The following RCC2 variants were observed in gnomAD, a reference collection of about 807,000 sequenced individuals.
The protein encoded by RCC2 is protein RCC2.
RCC2 carries 19 observed loss-of-function variants against 64.1 expected under a neutral mutation model. The ratio of observed to expected loss-of-function variants is 0.30; its 90% CI spans 0.21 to 0.44. The LOEUF is 0.44. Ranked by LOEUF, RCC2 falls within the 20% of genes least tolerant of loss-of-function variation. The pLI, the probability that RCC2 is intolerant of heterozygous loss-of-function variation, is 1.00. For synonymous variants in RCC2, 325 were observed against 279.6 expected, an observed-to-expected ratio of 1.16 and a Z score of -1.62; for missense variants, 508 against 710.4, an observed-to-expected ratio of 0.72 and a Z score of 3.24.
At chr1:17,432,049 T>C (rs1426214184) in intron 2 of RCC2, among the ~76,000 whole-genome samples, 4 of 151,724 alleles carry the variant, frequency 2.6e-5, no homozygotes, top group African/African-American at 4.8e-5. Flanking sequence ...GATCACACCA[T>C]TGCACTCCAG....
intron 2 of RCC2, among the ~76,000 whole-genome samples, chr1:17,431,357 A>ATATATATAT (rs1217494718): frequency 4.9e-5 from 2 of 40,454 alleles, no homozygotes; most frequent in South Asian, 8.0e-4. Context: ...AAAAAAAAAA[A>ATATATATAT]AAATATATAT....
chr1:17,409,177 T>C lies in RCC2; in HGVS notation c.1482A>G (p.Ser494=), dbSNP rs2075398009. The change falls in exon 13 of 13, where the codon TCA becomes TCG. Residue 494 remains serine, a synonymous_variant. Transcript: ENST00000375436. ...IFSEQVAMGY[S]HSLVIARDES... Reference sequence around the variant, plus strand: ...CATCTCTTGCTATCACCAAGGAGTGTGAGTAGCCCATGGCGACCTGGGGGG... The same window carrying C: ...CATCTCTTGCTATCACCAAGGAGTGCGAGTAGCCCATGGCGACCTGGGGGG... 1 of 1,613,662 alleles carries C rather than the reference T, an allele frequency of 6.2e-7. No homozygotes were observed. The highest frequency in any genetic ancestry group is 1.3e-5 in the African/African-American group (1 of 75,032).
chr1:17,437,781 C>G (rs868057798), intron 2 of RCC2, among the ~76,000 whole-genome samples: 5 of 147,078 alleles, frequency 3.4e-5, no homozygotes, highest in Non-Finnish European at 7.6e-5. Flanking sequence ...GCGCCGGCCG[C>G]CCCCTCCCCG....
In RCC2 at chr1:17,417,403, C is replaced by A. The variant is rs994540120; in HGVS notation, c.860-757G>T. Among the ~76,000 whole-genome samples, 4 of 152,240 alleles carry A rather than the reference C, an allele frequency of 2.6e-5. No individual in the cohort carries two copies. In the East Asian group the frequency reaches 7.7e-4, roughly 29 times the overall value. On this transcript the variant is annotated intron_variant, in intron 7 of 12. Coordinates refer to ENST00000375436, the MANE Select transcript of RCC2 (RefSeq NM_018715.4). ...ATCAGTTTGGTTGGGCACGGTGGGC[C>A]ACGCCTGGAATCCCAGCACGTTGGG... is the stretch of plus-strand genomic sequence containing the variant.
intron 1 of RCC2, 27 bp from the exon 2 acceptor site, chr1:17,438,549 C>A (rs2075770128): frequency 7.7e-7 from 1 of 1,304,484 alleles, no homozygotes; most frequent in East Asian, 2.8e-5. Context: ...GGCAGCGGCG[C>A]ACAATGGACG....
chr1:17,408,216 G>A lies in RCC2; in HGVS notation c.*874C>T, dbSNP rs1213712381. ...GGCACAGAAAGGGCTGATCCTTCTT[G>A]CAAGGACTGGAGAATGCACTTGACT... On this transcript the variant is annotated 3_prime_UTR_variant, in exon 13 of 13. Coordinates refer to ENST00000375436, the MANE Select transcript of RCC2 (RefSeq NM_018715.4). The A allele has an allele frequency of 6.6e-6, 1 of 152,310 alleles. No individual in the cohort carries two copies. Among genetic ancestry groups the A allele is most frequent in the African/African-American group, 2.4e-5 (1 of 41,460 alleles). 9.4% of individuals were successfully genotyped at this position (152,310 alleles called of 1,614,324 possible).
At position 17,417,259 on chromosome 1, in the gene RCC2, A is replaced by C. The variant is rs547897259; in HGVS notation, c.860-613T>G. 3.9e-4 allele frequency among the ~76,000 whole-genome samples: 60 copies of C among 152,344 alleles called. 1 individual carries two copies. Among genetic ancestry groups the C allele is most frequent in the African/African-American group, 1.2e-3 (51 of 41,578 alleles). On this transcript the variant is annotated intron_variant, in intron 7 of 12. Transcript: ENST00000375436. ...CCAGCTCAGCACACCACACACCAGA[A>C]GCCCGGCTGCTCCAGTCCTGAGAAC...
intron 2 of RCC2, among the ~76,000 whole-genome samples, chr1:17,436,699 A>T (rs748273161): frequency 2.0e-5 from 3 of 152,180 alleles, no homozygotes; most frequent in Non-Finnish European, 2.9e-5. Context: ...AACAGTCTGG[A>T]GCTGTACAGC....
At position 17,408,701 on chromosome 1, in the gene RCC2, T is replaced by G; in HGVS notation, c.*389A>C. ...TGAGTAAATGGCGATTCCTCTTCCA[T>G]GTGGCATCTGCTTGGATCACGATGC... On this transcript the variant is annotated 3_prime_UTR_variant, in exon 13 of 13. Transcript: ENST00000375436. 1 of 172,080 alleles carries G rather than the reference T, an allele frequency of 5.8e-6. No homozygotes were observed. Among genetic ancestry groups the G allele is most frequent in the Non-Finnish European group, 1.2e-5 (1 of 81,178 alleles). 10.7% of individuals were successfully genotyped at this position (172,080 alleles called of 1,614,324 possible).
intron 7 of RCC2, among the ~76,000 whole-genome samples, chr1:17,418,658 A>C (rs2100365303): frequency 6.6e-6 from 1 of 152,210 alleles, no homozygotes; most frequent in East Asian, 1.9e-4. Context: ...TCCGTATCAA[A>C]AAAAACAATA....
At chr1:17,414,564 C>A (rs1246011155) in intron 8 of RCC2, among the ~76,000 whole-genome samples, 7 of 143,332 alleles carry the variant, frequency 4.9e-5, no homozygotes, top group South Asian at 2.2e-4. Context: ...AAAAAAAAAA[C>A]ACAACAAAAA....
intron 2 of RCC2, among the ~76,000 whole-genome samples, chr1:17,436,399 G>A (rs1031671338): frequency 6.6e-6 from 1 of 152,152 alleles, no homozygotes; most frequent in Admixed American, 6.6e-5. Context: ...AGCTGCTCGA[G>A]AGGCTGATCA....
At chr1:17,420,371 T>G (rs1035760177) in intron 7 of RCC2, among the ~76,000 whole-genome samples, 5 of 152,258 alleles carry the variant, frequency 3.3e-5, no homozygotes, top group Admixed American at 6.5e-5. Flanking sequence ...TTTCTCATTT[T>G]CAATAAAGGC....
chr1:17,407,070 T>A lies in RCC2; in HGVS notation c.*2020A>T, dbSNP rs962590093. On this transcript the variant is annotated 3_prime_UTR_variant, in exon 13 of 13. Coordinates refer to ENST00000375436, the MANE Select transcript of RCC2 (RefSeq NM_018715.4). ...ATTTAACCCATTAGGAAGCCCATTT[T>A]TCAATCTAAGCCAGAAGGAGCTGCG... 3 of 152,228 alleles carry A rather than the reference T, an allele frequency of 2.0e-5. No individual in the cohort carries two copies. The highest frequency in any genetic ancestry group is 4.4e-5 in the Non-Finnish European group (3 of 68,050). The allele number at this position is 152,228 out of a possible 1,614,324, so 9.4% of individuals were successfully genotyped here.
chr1:17,425,424 C>T (rs1424979477), intron 4 of RCC2, 117 bp downstream of exon 4: 3 of 1,065,120 alleles, frequency 2.8e-6, no homozygotes, highest in Middle Eastern at 3.3e-4. Flanking sequence ...GGGCTGTGAA[C>T]GAAGGAGCCC....
In RCC2 at chr1:17,422,796, C is replaced by T. The variant is rs530477434; in HGVS notation, c.564G>A (p.Lys188=). The T allele has an allele frequency of 6.2e-7, 1 of 1,614,160 alleles. No homozygotes were observed. Among genetic ancestry groups the T allele is most frequent in the Non-Finnish European group, 8.5e-7 (1 of 1,180,010 alleles). ...EKGQLGHGDT[K]RVEAPRLIEG... Reference sequence around the variant, plus strand: ...CGATGAGTCTAGGGGCTTCTACTCTCTTGGTGTCACCATGTCCCAGCTGCC... The same window carrying T: ...CGATGAGTCTAGGGGCTTCTACTCTTTTGGTGTCACCATGTCCCAGCTGCC... Residue 188 remains lysine (K), a synonymous_variant, in exon 5 of 13, where the codon AAG becomes AAA. Coordinates refer to ENST00000375436, the MANE Select transcript of RCC2 (RefSeq NM_018715.4).
intron 2 of RCC2, among the ~76,000 whole-genome samples, chr1:17,435,413 T>C (rs532685748): frequency 1.9e-4 from 29 of 152,334 alleles, no homozygotes; most frequent in African/African-American, 6.5e-4. Flanking sequence ...GGGCAAGGCA[T>C]GCAAAATGCT....
chr1:17,422,931 C>G, intron 4 of RCC2, 95 bp from the exon 5 acceptor site: 1 of 1,484,716 alleles, frequency 6.7e-7, no homozygotes, highest in Non-Finnish European at 9.3e-7. Flanking sequence ...CAAATGATGC[C>G]CATCTGTCTC....
intron 7 of RCC2, among the ~76,000 whole-genome samples, chr1:17,420,090 C>CA (rs991746569): frequency 2.0e-5 from 3 of 152,212 alleles, no homozygotes; most frequent in Non-Finnish European, 4.4e-5. Context: ...GGCAGAGCCA[C>CA]AACCGGGAAG....
Sources: gnomAD v4.1 joint callset for allele counts (sites outside exome capture counted in the v4.1 genomes callset) on GRCh38, gnomAD v4.1.1 for gene constraint, MANE v1.5 for transcripts, NCBI Gene and HGNC (gene_info 2026-07-23, HGNC 2026-07-21) for gene names.